Variants in ZNF654 observed in about 807,000 individuals in gnomAD.
ZNF654 encodes the protein melanoma-associated antigen.
In ZNF654, 19 loss-of-function variants were observed where a neutral mutation model predicts 95.3. The ratio of observed to expected loss-of-function variants is 0.20; its 90% confidence interval spans 0.14 to 0.29. The LOEUF (loss-of-function observed/expected upper bound fraction) is 0.29. Ranked by LOEUF, ZNF654 falls within the 10% of genes least tolerant of loss-of-function variation. The pLI is 1.00. For synonymous variants in ZNF654, 413 were observed against 457.9 expected (o/e 0.90, Z 1.25); for missense variants, 1,046 against 1,341.0 (o/e 0.78, Z 3.44).
chr3:88,088,511 TAAGAA>T lies in ZNF654; in HGVS notation c.332+2112_332+2116del, dbSNP rs200355959. Among the ~76,000 whole-genome samples, 13 of 152,206 alleles carry T rather than the reference TAAGAA, an allele frequency of 8.5e-5. No individual in the cohort carries two copies. The East Asian group carries it at 2.1e-3, about 25-fold the overall frequency. ...GAGATATGAAAAATGAATTTGAAAT[TAAGAA>T]AATATGATGGTTAAAATTTAAAGTT... On this transcript the variant is annotated intron_variant, in intron 2 of 8. Coordinates refer to ENST00000636215, the MANE Select transcript of ZNF654 (RefSeq NM_001350134.2).
chr3:88,088,114 AT>A (rs1481527779), intron 2 of ZNF654, among the ~76,000 whole-genome samples: 3 of 152,230 alleles, frequency 2.0e-5, no homozygotes, highest in African/African-American at 7.2e-5. Context: ...TATAAATTAA[AT>A]AACCTTGGAG....
intron 1 of ZNF654, among the ~76,000 whole-genome samples, chr3:88,078,221 G>A (rs1328035661): frequency 6.6e-6 from 1 of 152,098 alleles, no homozygotes; most frequent in East Asian, 1.9e-4. Flanking sequence ...TCTTGTGCAT[G>A]TTCATTATCT....
At chr3:88,141,323 T>C (rs1226443832) in intron 8 of ZNF654, among the ~76,000 whole-genome samples, 1 of 110,096 alleles carries the variant, frequency 9.1e-6, no homozygotes, top group African/African-American at 3.0e-5. Flanking sequence ...AGGTTTTTCA[T>C]ATTCTTTGAT....
intron 1 of ZNF654, 34 bp from the exon 2 acceptor site, chr3:88,086,223 T>C (rs1253403062): frequency 6.7e-7 from 1 of 1,495,652 alleles, no homozygotes; most frequent in Admixed American, 2.4e-5. Context: ...TGAGAACTTT[T>C]TCTATAGTAA....
intron 1 of ZNF654, among the ~76,000 whole-genome samples, chr3:88,085,697 G>C (rs1176227581): frequency 6.6e-6 from 1 of 152,120 alleles, no homozygotes; most frequent in Admixed American, 6.5e-5. Flanking sequence ...ATGACCTGTT[G>C]ACCTACCCAG....
At chr3:88,074,276 A>T (rs1226866881) in intron 1 of ZNF654, among the ~76,000 whole-genome samples, 1 of 151,070 alleles carries the variant, frequency 6.6e-6, no homozygotes, top group Non-Finnish European at 1.5e-5. Context: ...TCTTCCTCTG[A>T]TTGGGAGTGG....
chr3:88,097,162 T>G (rs1392931164), intron 2 of ZNF654, among the ~76,000 whole-genome samples: 1 of 152,152 alleles, frequency 6.6e-6, no homozygotes, highest in Non-Finnish European at 1.5e-5. Context: ...ACAAGGGTAT[T>G]TGTATATCTT....
At chr3:88,060,641 T>C (rs1168300155) in intron 1 of ZNF654, among the ~76,000 whole-genome samples, 1 of 152,076 alleles carries the variant, frequency 6.6e-6, no homozygotes, top group Non-Finnish European at 1.5e-5. Flanking sequence ...CAAAGAGGAG[T>C]AATAGTTAAA....
At chr3:88,136,706 G>T (rs777215606) in intron 7 of ZNF654, among the ~76,000 whole-genome samples, 2 of 152,168 alleles carry the variant, frequency 1.3e-5, no homozygotes, top group Non-Finnish European at 2.9e-5. Flanking sequence ...TGTGTGTTAG[G>T]AGGAGTGGTT....
At chr3:88,108,869 C>T (rs564473530) in intron 2 of ZNF654, among the ~76,000 whole-genome samples, 45 of 152,098 alleles carry the variant, frequency 3.0e-4, no homozygotes, top group African/African-American at 1.1e-3. Context: ...TAAAATCTCA[C>T]AGTGAGAACA....
chr3:88,062,722 G>T (rs1706955946), intron 1 of ZNF654, among the ~76,000 whole-genome samples: 1 of 152,152 alleles, frequency 6.6e-6, no homozygotes, highest in Non-Finnish European at 1.5e-5. Flanking sequence ...TATGTTGATT[G>T]AAATATAATT....
intron 8 of ZNF654, 55 bp downstream of exon 8, chr3:88,141,103 A>T: frequency 6.6e-7 from 1 of 1,520,650 alleles, no homozygotes; most frequent in Middle Eastern, 1.8e-4. Context: ...AATGGCATAA[A>T]TAAAACTATT....
chr3:88,126,066 CAAT>C (rs1336177187), intron 3 of ZNF654, 65 bp from the exon 4 acceptor site: 10 of 1,344,566 alleles, frequency 7.4e-6, no homozygotes, highest in Admixed American at 5.8e-5. Context: ...ATTTTATTGA[CAAT>C]GATGATCAAG....
rs997506500 is a variant in ZNF654 at position 88,059,261 on chromosome 3, G to C, written c.-59G>C. 2.0e-6 allele frequency: 3 copies of C among 1,531,372 alleles called. No homozygotes were observed. The highest frequency in any genetic ancestry group is 1.7e-6 in the Non-Finnish European group (2 of 1,145,636). 94.9% of individuals were successfully genotyped at this position (1,531,372 alleles called of 1,614,324 possible). A position where few individuals can be genotyped will look rare whatever the true frequency, so the allele number is the denominator to read the frequency against. On this transcript the variant is annotated 5_prime_UTR_variant, in exon 1 of 9. Coordinates refer to ENST00000636215, the MANE Select transcript of ZNF654 (RefSeq NM_001350134.2). ...TAGAGAGGAGGAGGAGGTTAGCCTA[G>C]GCATCTACGGCGGCGGCGGCGGCGC...
chr3:88,101,617 C>A (rs1031012363), intron 2 of ZNF654, among the ~76,000 whole-genome samples: 3 of 151,984 alleles, frequency 2.0e-5, no homozygotes, highest in Non-Finnish European at 4.4e-5. Flanking sequence ...AGATTACTTC[C>A]AGTTTTGGGC....
At chr3:88,117,967 AC>A (rs1705515935) in intron 3 of ZNF654, among the ~76,000 whole-genome samples, 1 of 151,892 alleles carries the variant, frequency 6.6e-6, no homozygotes, top group Non-Finnish European at 1.5e-5. Flanking sequence ...ACAACCAAGA[AC>A]ATTTACTACT....
chr3:88,107,710 T>C (rs1484700121), intron 2 of ZNF654, among the ~76,000 whole-genome samples: 2 of 152,164 alleles, frequency 1.3e-5, no homozygotes, highest in Non-Finnish European at 2.9e-5. Context: ...TTTCAGATTT[T>C]TTCAGTGTAC....
chr3:88,094,698 T>C (rs1184436756), intron 2 of ZNF654, among the ~76,000 whole-genome samples: 1 of 152,176 alleles, frequency 6.6e-6, no homozygotes, highest in Admixed American at 6.6e-5. Context: ...ATAGTCATTA[T>C]GAATGGTGTA....
Position 88,139,448 on chromosome 3 carries a change from T to C in ZNF654, c.1779T>C (p.Asn593=), listed in dbSNP as rs746666765. 2.5e-6 allele frequency: 4 copies of C among 1,613,754 alleles called. No homozygotes were observed. The highest frequency in any genetic ancestry group is 1.1e-5 in the South Asian group (1 of 91,068). ...GACTTATGCAGAAGCATTTGAAGAA[T>C]CATGTTAAGAAGATACAGAGGCAGC... ...NRGLMQKHLK[N]HVKKIQRQQI... The change falls in exon 8 of 9, where the codon AAT becomes AAC. Residue 593 remains asparagine (N), a synonymous_variant. Coordinates refer to ENST00000636215, the MANE Select transcript of ZNF654 (RefSeq NM_001350134.2).
Sources: gnomAD v4.1 joint callset for allele counts (sites outside exome capture counted in the v4.1 genomes callset) on GRCh38, gnomAD v4.1.1 for gene constraint, MANE v1.5 for transcripts, NCBI Gene and HGNC (gene_info 2026-07-23, HGNC 2026-07-21) for gene names.